Variants in JADE1 observed in about 807,000 individuals in gnomAD.
JADE1 encodes the protein protein Jade-1.
Under a neutral mutation model 81.8 loss-of-function variants are expected in JADE1, and 14 were observed. The observed-to-expected ratio is 0.17, with a 90% CI of 0.11 to 0.27. JADE1 has a LOEUF of 0.27. JADE1 is among the 10% of genes least tolerant of loss of function. JADE1 has a pLI of 1.00. For synonymous variants in JADE1, 353 were observed against 391.9 expected (o/e 0.90, Z 1.17); for missense variants, 690 against 1,047.9 (o/e 0.66, Z 4.71).
chr4:128,809,787 G>C lies in JADE1; in HGVS notation c.-117G>C, dbSNP rs1040666555. On this transcript the variant is annotated 5_prime_UTR_variant, in exon 1 of 11. Transcript: ENST00000226319. ...CGCCGGCGAGAGCAGGGGCCCGCCCGGCTCCCCGCCCGCCGCGGCCCGAAC... is the reference window on the plus strand; with the variant it reads ...CGCCGGCGAGAGCAGGGGCCCGCCCCGCTCCCCGCCCGCCGCGGCCCGAAC... The C allele has an allele frequency of 6.6e-6, 1 of 151,970 alleles. No individual in the cohort carries two copies. The highest frequency in any genetic ancestry group is 2.4e-5 in the African/African-American group (1 of 41,390). 9.4% of individuals were successfully genotyped at this position (151,970 alleles called of 1,614,324 possible). A position where few individuals can be genotyped will look rare whatever the true frequency, so the allele number is the denominator to read the frequency against.
Position 128,871,249 on chromosome 4 carries a change from G to T in JADE1, c.1622-106G>T. Reference sequence around the variant, plus strand: ...TTGGTGGTGTAAGTGTTGTGTTGTTGGGTGGGGAGTTCACATCAATTGGGC... The same window carrying T: ...TTGGTGGTGTAAGTGTTGTGTTGTTTGGTGGGGAGTTCACATCAATTGGGC... On this transcript the variant is annotated intron_variant, in intron 10 of 10. Transcript: ENST00000226319. This position sits in a 1 kb window ranked among gnomAD's most constrained non-coding sequence, Gnocchi z 4.1. 9.3e-7 allele frequency: 1 copy of T among 1,077,358 alleles called. No individual in the cohort carries two copies. The highest frequency in any genetic ancestry group is 1.3e-6 in the Non-Finnish European group (1 of 742,150). 66.7% of individuals were successfully genotyped at this position (1,077,358 alleles called of 1,614,324 possible).
intron 3 of JADE1, among the ~76,000 whole-genome samples, chr4:128,843,412 C>T (rs1386507129): frequency 2.0e-5 from 3 of 152,176 alleles, no homozygotes; most frequent in Non-Finnish European, 4.4e-5. Flanking sequence ...CAAGTCACTG[C>T]CAGCCTCAAG....
Position 128,852,054 on chromosome 4 carries a change from C to T in JADE1, c.485-3C>T. On this transcript the variant is annotated splice_region_variant and splice_polypyrimidine_tract_variant and intron_variant, in intron 5 of 10. Transcript: ENST00000226319. ...ATGGGTTTTGTGGCATTTTTAACTT[C>T]AGGAATGCCTGAACTAGATGAATAC... The T allele has an allele frequency of 6.2e-7, 1 of 1,609,300 alleles. No homozygotes were observed. The highest frequency in any genetic ancestry group is 8.5e-7 in the Non-Finnish European group (1 of 1,175,974).
chr4:128,831,022 T>C (rs1382673185), intron 1 of JADE1, among the ~76,000 whole-genome samples: 1 of 152,138 alleles, frequency 6.6e-6, no homozygotes, highest in East Asian at 1.9e-4. Context: ...GGAGTGGAAA[T>C]AGTGTTGGAT....
chr4:128,816,883 C>CT (rs765406971), intron 1 of JADE1, among the ~76,000 whole-genome samples: 2,421 of 144,594 alleles, frequency 0.017, 47 homozygotes, highest in African/African-American at 0.053. Flanking sequence ...TTTTCTCTCT[C>CT]TTTTTTTTTT....
intron 1 of JADE1, among the ~76,000 whole-genome samples, chr4:128,820,579 TG>T (rs1727474570): frequency 6.6e-6 from 1 of 152,190 alleles, no homozygotes; most frequent in Admixed American, 6.5e-5. Flanking sequence ...CTTGTACAAT[TG>T]TGATGAAACG....
intron 1 of JADE1, among the ~76,000 whole-genome samples, chr4:128,812,479 G>C (rs1441680002): frequency 1.3e-5 from 2 of 151,966 alleles, no homozygotes; most frequent in African/African-American, 4.8e-5. Flanking sequence ...GCCTTCTCAC[G>C]TCCCCTCTCA....
intron 1 of JADE1, among the ~76,000 whole-genome samples, chr4:128,815,765 G>T (rs1041820928): frequency 3.3e-5 from 5 of 151,998 alleles, no homozygotes; most frequent in African/African-American, 1.2e-4. Flanking sequence ...TAGTATTATG[G>T]GGCACCTGTT....
At chr4:128,834,984 TTAA>T (rs1256349109) in intron 2 of JADE1, among the ~76,000 whole-genome samples, 2 of 150,622 alleles carry the variant, frequency 1.3e-5, no homozygotes, top group African/African-American at 4.9e-5. Flanking sequence ...CATCTCTATT[TTAA>T]AAAAAAAAAA....
At chr4:128,811,538 G>C (rs1188232321) in intron 1 of JADE1, 11 of 151,308 alleles carry the variant, frequency 7.3e-5, no homozygotes, top group Admixed American at 7.2e-4. Flanking sequence ...GAGGAGAGGC[G>C]GCCCAGTGTG....
chr4:128,819,711 A>G (rs780250554), intron 1 of JADE1, among the ~76,000 whole-genome samples: 1 of 152,244 alleles, frequency 6.6e-6, no homozygotes, highest in Non-Finnish European at 1.5e-5. Flanking sequence ...CCATCTTGCC[A>G]TGAATCTGTG....
At chr4:128,862,728 C>G (rs986429401) in intron 9 of JADE1, 1 of 1,004,342 alleles carries the variant, frequency 1.0e-6, no homozygotes, top group Non-Finnish European at 1.2e-6. Flanking sequence ...CGGCTGCTCA[C>G]TGGCCCCCAC....
intron 2 of JADE1, among the ~76,000 whole-genome samples, chr4:128,836,902 T>G (rs1729029686): frequency 6.6e-6 from 1 of 152,032 alleles, no homozygotes; most frequent in Non-Finnish European, 1.5e-5. Flanking sequence ...ATCAGCATCT[T>G]TATATATATG....
intron 2 of JADE1, among the ~76,000 whole-genome samples, chr4:128,832,870 A>G (rs994147385): frequency 1.3e-5 from 2 of 152,260 alleles, no homozygotes; most frequent in African/African-American, 2.4e-5. Flanking sequence ...TGTTCAGAAG[A>G]GGGGACCAGG....
At chr4:128,853,114 G>T (rs1730504294) in intron 6 of JADE1, among the ~76,000 whole-genome samples, 1 of 152,070 alleles carries the variant, frequency 6.6e-6, no homozygotes, top group African/African-American at 2.4e-5. Context: ...CTGACCTCAT[G>T]ATCCGCCCAC....
rs1383601381 is a variant in JADE1 at position 128,871,620 on chromosome 4, C to A, written c.1887C>A (p.Ser629Arg). 3 of 1,614,134 alleles carry A rather than the reference C, an allele frequency of 1.9e-6. No homozygotes were observed. In the Admixed American group the frequency reaches 5.0e-5, roughly 27 times the overall value. Residue 629 changes from serine (S) to arginine (R), a missense_variant, in exon 11 of 11, where the codon AGC becomes AGA. By Grantham distance (110) the Ser-to-Arg change is moderately radical. Transcript: ENST00000226319. This position sits in a 1 kb window ranked among gnomAD's most constrained non-coding sequence, Gnocchi z 4.1. Reference sequence around the variant, plus strand: ...GGGAGGGGATGGTGGTCCCAGAGAGCTTTTTGGGTTTAGAAAAGACCTTTG... The same window carrying A: ...GGGAGGGGATGGTGGTCCCAGAGAGATTTTTGGGTTTAGAAAAGACCTTTG... Reference protein sequence around the residue: ...GRREGMVVPESFLGLEKTFAE... With the variant: ...GRREGMVVPERFLGLEKTFAE...
At chr4:128,841,627 A>G (rs1363886544) in intron 2 of JADE1, among the ~76,000 whole-genome samples, 1 of 152,178 alleles carries the variant, frequency 6.6e-6, no homozygotes, top group Non-Finnish European at 1.5e-5. Flanking sequence ...GGAATACCTT[A>G]GGATTGATGT....
chr4:128,831,662 T>G, intron 1 of JADE1, 71 bp from the exon 2 acceptor site: 1 of 1,322,284 alleles, frequency 7.6e-7, no homozygotes. Flanking sequence ...AATCCTGGGC[T>G]GCCATCTGAA....
In JADE1 at chr4:128,846,608, G is replaced by T. The variant is rs1729893999; in HGVS notation, c.296+76G>T. 1 of 1,466,574 alleles carries T rather than the reference G, an allele frequency of 6.8e-7. No homozygotes were observed. The highest frequency in any genetic ancestry group is 9.3e-7 in the Non-Finnish European group (1 of 1,071,446). 90.8% of individuals were successfully genotyped at this position (1,466,574 alleles called of 1,614,324 possible). A position where few individuals can be genotyped will look rare whatever the true frequency, so the allele number is the denominator to read the frequency against. ...CCCTGACAGCAGGCATCTGAGAAGA[G>T]ACAATTTCTGTGGGAAGAGACAGTT... On this transcript the variant is annotated intron_variant, in intron 4 of 10. Transcript: ENST00000226319. The surrounding 1 kb of genome is among the most constrained non-coding windows in gnomAD (Gnocchi z 4.0).
Sources: allele counts gnomAD v4.1 joint callset (sites outside exome capture counted in the v4.1 genomes callset), GRCh38; gene constraint gnomAD v4.1.1; non-coding constraint Gnocchi (gnomAD v3.1); transcripts MANE v1.5; gene names NCBI Gene and HGNC (gene_info 2026-07-23, HGNC 2026-07-21).